Variants in OSBPL7 observed in about 807,000 individuals in gnomAD.
The protein encoded by OSBPL7 is oxysterol binding protein like 7.
Under a neutral mutation model 115.8 loss-of-function variants are expected in OSBPL7, and 66 were observed. The observed-to-expected ratio is 0.57, with a 90% confidence interval of 0.47 to 0.70. The LOEUF (loss-of-function observed/expected upper bound fraction) is 0.70, where lower values mean the gene tolerates loss of function less well. OSBPL7 is among the 30% of genes least tolerant of loss of function. The pLI, the probability that OSBPL7 is intolerant of heterozygous loss-of-function variation, is 0.00. For synonymous variants in OSBPL7, 441 were observed against 439.2 expected, an observed-to-expected ratio of 1.00 and a Z score of -0.05; for missense variants, 902 against 1,125.5, an observed-to-expected ratio of 0.80 and a Z score of 2.84.
At chr17:47,818,864 A>T in intron 5 of OSBPL7, 122 bp downstream of exon 5, 2 of 927,442 alleles carry the variant, frequency 2.2e-6, no homozygotes, top group African/African-American at 1.6e-5. Context: ...ATGGAAACTT[A>T]CTTTTTGTCA....
In OSBPL7 at chr17:47,816,723, G is replaced by A. The variant is rs755505020; in HGVS notation, c.796-28C>T. ...GTAGGTGAAGGGGAAGGGCTGAAGGGGCCGGCCTCCTTAGAGCATCCTGCC... is the reference window on the plus strand; with the variant it reads ...GTAGGTGAAGGGGAAGGGCTGAAGGAGCCGGCCTCCTTAGAGCATCCTGCC... On this transcript the variant is annotated intron_variant, in intron 9 of 22. Transcript: ENST00000007414. The surrounding 1 kb of genome is among the most constrained non-coding windows in gnomAD (Gnocchi z 5.8). 4 of 1,613,994 alleles carry A rather than the reference G, an allele frequency of 2.5e-6. No homozygotes were observed. The highest frequency in any genetic ancestry group is 2.5e-6 in the Non-Finnish European group (3 of 1,179,932).
chr17:47,819,325 A>T (rs1314671591), intron 4 of OSBPL7: 3 of 574,070 alleles, frequency 5.2e-6, no homozygotes, highest in Non-Finnish European at 9.3e-6. Flanking sequence ...AGATCAAGAA[A>T]AACTATTCCC....
Position 47,820,314 on chromosome 17 carries a change from G to C in OSBPL7, c.-36C>G, listed in dbSNP as rs368578907. ...GAGGCCACTCCCTGCTGGGGATGTA[G>C]AGCAGGGAGCAGGGTGGAAGGGGAA... On this transcript the variant is annotated 5_prime_UTR_variant, in exon 2 of 23. Coordinates refer to ENST00000007414, the MANE Select transcript of OSBPL7 (RefSeq NM_145798.3). The C allele has an allele frequency of 1.3e-6, 2 of 1,594,042 alleles. No homozygotes were observed. The highest frequency in any genetic ancestry group is 1.1e-5 in the South Asian group (1 of 88,934).
chr17:47,814,490 A>AACCCC, intron 14 of OSBPL7, 31 bp downstream of exon 14: 1 of 334,272 alleles, frequency 3.0e-6, no homozygotes, highest in Non-Finnish European at 5.6e-6. Context: ...CCCGCCTCCC[A>AACCCC]CCCCTCCCTG....
chr17:47,817,189 AC>A (rs1476047043), intron 8 of OSBPL7, 66 bp downstream of exon 8: 1 of 1,267,962 alleles, frequency 7.9e-7, no homozygotes, highest in Admixed American at 2.2e-5. Flanking sequence ...GAGGAATAGG[AC>A]CCATCCTGGG....
At position 47,808,280 on chromosome 17, in the gene OSBPL7, CG is replaced by C; in HGVS notation, c.*10del. The C allele has an allele frequency of 6.3e-7, 1 of 1,596,986 alleles. No homozygotes were observed. Among genetic ancestry groups the C allele is most frequent in the Non-Finnish European group, 8.6e-7 (1 of 1,165,928 alleles). ...GTGAGGAACCAGAGCCTCCTGCCCC[CG>C]GGGCCAGGGCTACCAGAGCACGGCC... On this transcript the variant is annotated 3_prime_UTR_variant, in exon 23 of 23. Transcript: ENST00000007414. The surrounding 1 kb of genome is among the most constrained non-coding windows in gnomAD (Gnocchi z 6.1).
In OSBPL7 at chr17:47,813,802, G is replaced by A. The variant is rs972900644; in HGVS notation, c.1384C>T (p.Pro462Ser). The change falls in exon 15 of 23, where the codon CCC (proline) becomes TCC (serine). Residue 462 changes from proline (P) to serine (S), a missense_variant. Pro to Ser is a moderately conservative substitution (Grantham distance 74, BLOSUM62 -1). Around this residue, in one of 3 missense-constraint regions of OSBPL7, gnomAD observed 667 missense variants for 788.7 expected, o/e 0.85. Transcript: ENST00000007414. ...GCCGCCGGCAGGCAGCGACGGCGGG[G>A]TGGCCCCATGGGTCTCCCTGGAACA... ...GCVPGRPMGPPRRRCLPAASG... is the reference protein window; with the variant it reads ...GCVPGRPMGPSRRRCLPAASG... 1.9e-6 allele frequency: 3 copies of A among 1,611,966 alleles called. No homozygotes were observed. Among genetic ancestry groups the A allele is most frequent in the East Asian group, 2.2e-5 (1 of 44,864 alleles).
Position 47,816,192 on chromosome 17 carries a change from G to A in OSBPL7, c.1034C>T (p.Ala345Val), listed in dbSNP as rs1307928703. 3 of 1,550,136 alleles carry A rather than the reference G, an allele frequency of 1.9e-6. No individual in the cohort carries two copies. Among genetic ancestry groups the A allele is most frequent in the Non-Finnish European group, 2.6e-6 (3 of 1,146,868 alleles). ...GTGGAGGCGCCTCTGGCCAGTGGAG[G>A]CCTCAGAGACCTGCAGGGAGAGGGT... The part of the protein sequence containing the change: ...SELSRMGVSE[A>V]STGQRRLHSL... The change falls in exon 12 of 23, where the codon GCC becomes GTC. Residue 345 changes from alanine to valine, a missense_variant. Coordinates refer to ENST00000007414, the MANE Select transcript of OSBPL7 (RefSeq NM_145798.3). The surrounding 1 kb of genome is among the most constrained non-coding windows in gnomAD (Gnocchi z 5.8).
intron 12 of OSBPL7, 96 bp from the exon 13 acceptor site, chr17:47,815,448 C>A: frequency 6.6e-7 from 1 of 1,516,478 alleles, no homozygotes; most frequent in Admixed American, 2.0e-5. Context: ...GAGAGGGAGG[C>A]ATAACCGGGC....
Position 47,819,103 on chromosome 17 carries a change from G to A in OSBPL7, c.256-4C>T, listed in dbSNP as rs1023051619. The A allele has an allele frequency of 1.1e-5, 18 of 1,612,940 alleles. No homozygotes were observed. The Admixed American group carries it at 1.5e-4, about 13-fold the overall frequency. On this transcript the variant is annotated splice_region_variant and splice_polypyrimidine_tract_variant and intron_variant, in intron 4 of 22. Transcript: ENST00000007414. ...CATGGAGCTTCCCCTTGGTGATCTG[G>A]GGGTGAAGTGTTGGTAGAGGGAGAG...
In OSBPL7 at chr17:47,816,791, T is replaced by C; in HGVS notation, c.784A>G (p.Thr262Ala). The C allele has an allele frequency of 6.2e-7, 1 of 1,614,140 alleles. No individual in the cohort carries two copies. The highest frequency in any genetic ancestry group is 8.5e-7 in the Non-Finnish European group (1 of 1,180,016). ...ATGCCCGACCTCACCCGTCCAATGG[T>C]GTCATCCTTGGCAAAGCTCTGGGTG... ...WCTQSFAKDD[T>A]IGRVGRLHGS... Residue 262 changes from threonine (T) to alanine (A), a missense_variant, in exon 9 of 23, where the codon ACC (threonine) becomes GCC (alanine). This residue lies in a region of OSBPL7 where 667 missense variants were observed against 788.7 expected (regional missense o/e 0.85). Transcript: ENST00000007414. This position sits in a 1 kb window ranked among gnomAD's most constrained non-coding sequence, Gnocchi z 5.8.
At chr17:47,817,126 G>T in intron 8 of OSBPL7, 130 bp downstream of exon 8, 1 of 756,290 alleles carries the variant, frequency 1.3e-6, no homozygotes, top group Non-Finnish European at 2.2e-6. Context: ...TGGGTAAGGG[G>T]TGGGGAGGAA....
Position 47,821,026 on chromosome 17 carries a change from G to A in OSBPL7, c.-88+640C>T, listed in dbSNP as rs73319731. On this transcript the variant is annotated intron_variant, in intron 1 of 22. Transcript: ENST00000007414. Reference sequence around the variant, plus strand: ...CCCCTGTCTACCCTCACAGTCCTTGGGGCTCTGAGAAGTGCCACCCACCCA... The same window carrying A: ...CCCCTGTCTACCCTCACAGTCCTTGAGGCTCTGAGAAGTGCCACCCACCCA... Among the ~76,000 whole-genome samples the A allele has an allele frequency of 5.8e-3, 887 of 152,122 alleles. 6 individuals carry two copies. Among genetic ancestry groups the A allele is most frequent in the African/African-American group, 0.02 (850 of 41,486 alleles).
At chr17:47,814,480 C>T in intron 14 of OSBPL7, 41 bp downstream of exon 14, 2 of 801,522 alleles carry the variant, frequency 2.5e-6, no homozygotes, top group Non-Finnish European at 4.3e-6. Context: ...TGTTTTTCCA[C>T]CCGCCTCCCA....
chr17:47,817,241 A>G lies in OSBPL7; in HGVS notation c.702+15T>C, dbSNP rs756208831. 1.3e-5 allele frequency: 20 copies of G among 1,572,574 alleles called. No homozygotes were observed. Among genetic ancestry groups the G allele is most frequent in the Middle Eastern group, 1.7e-4 (1 of 5,906 alleles). On this transcript the variant is annotated intron_variant, in intron 8 of 22. Transcript: ENST00000007414. ...GGGGCCTGAGCAGGACCCTGTGTGT[A>G]CCCCTGGATCTTACCTGGTGTGTGG...
chr17:47,815,493 A>AGAGAGGAGTGAGAGTGAGCAGAAGC, intron 12 of OSBPL7, 141 bp from the exon 13 acceptor site: 7 of 1,083,918 alleles, frequency 6.5e-6, no homozygotes, highest in Non-Finnish European at 9.2e-6. Flanking sequence ...TGAGCAGAAG[A>AGAGAGGAGTGAGAGTGAGCAGAAGC]GGCAGAGAGG....
chr17:47,819,173 T>C (rs1290522733), intron 4 of OSBPL7, 74 bp from the exon 5 acceptor site: 41 of 1,288,452 alleles, frequency 3.2e-5, no homozygotes, highest in Non-Finnish European at 4.6e-5. Context: ...ACCATCTCCC[T>C]GATGCCATTC....
chr17:47,809,279 T>A, intron 19 of OSBPL7, 55 bp downstream of exon 19: 1 of 1,611,462 alleles, frequency 6.2e-7, no homozygotes, highest in South Asian at 1.1e-5. Flanking sequence ...CAGGGTGACC[T>A]CCAGAGACAG....
chr17:47,808,840 G>C lies in OSBPL7; in HGVS notation c.2297+24C>G. On this transcript the variant is annotated intron_variant, in intron 21 of 22. Transcript: ENST00000007414. This position sits in a 1 kb window ranked among gnomAD's most constrained non-coding sequence, Gnocchi z 6.1. ...GGAGGGAGTGAACTAGATGGTTCTA[G>C]GCCGGCACCCATCCGGCACTGACCT... The C allele has an allele frequency of 6.2e-7, 1 of 1,613,952 alleles. No individual in the cohort carries two copies. Among genetic ancestry groups the C allele is most frequent in the South Asian group, 1.1e-5 (1 of 91,060 alleles).
Sources: allele counts gnomAD v4.1 joint callset (sites outside exome capture counted in the v4.1 genomes callset), GRCh38; gene constraint gnomAD v4.1.1; regional missense constraint gnomAD v4.1.1; non-coding constraint Gnocchi (gnomAD v3.1); transcripts MANE v1.5; gene names NCBI Gene and HGNC (gene_info 2026-07-23, HGNC 2026-07-21).